PIGV: variants seen among roughly 807,000 people sequenced by gnomAD.
PIGV encodes phosphatidylinositol glycan anchor biosynthesis class V.
Under a neutral mutation model 39.2 loss-of-function variants are expected in PIGV, and 27 were observed. The ratio of observed to expected loss-of-function variants is 0.69; its 90% CI spans 0.51 to 0.95. The LOEUF (loss-of-function observed/expected upper bound fraction) is 0.95. Ranked by LOEUF, PIGV falls within the 40% of genes least tolerant of loss-of-function variation. The pLI, the probability that PIGV is intolerant of heterozygous loss-of-function variation, is 0.00. For synonymous variants in PIGV, 232 were observed against 241.7 expected (o/e 0.96, Z 0.37); for missense variants, 523 against 586.4 (o/e 0.89, Z 1.12).
rs1172316760 is a variant in PIGV at position 26,795,007 on chromosome 1, GT to G, written c.974del (p.Val325GlyfsTer22). 19 of 1,614,180 alleles carry G rather than the reference GT, an allele frequency of 1.2e-5. No homozygotes were observed. Among genetic ancestry groups the G allele is most frequent in the Non-Finnish European group, 1.6e-5 (19 of 1,180,030 alleles). On this transcript the variant is annotated frameshift_variant, in exon 3 of 4. Coordinates refer to ENST00000674202, the MANE Select transcript of PIGV (RefSeq NM_017837.4). LOFTEE classifies it high-confidence loss of function. ...TTTGAAATACTATGAGCTCAAGCAG[GT>G]GCCCAATTTTCTACTGGCTGCACCA... ...GFLKYYELKQ[V>X]PNFLLAAPVA... is the part of the protein sequence containing the mutation.
At chr1:26,797,475 C>T (rs2081398947) in intron 3 of PIGV, 88 bp from the exon 4 acceptor site, 1 of 1,010,556 alleles carries the variant, frequency 9.9e-7, no homozygotes, top group Non-Finnish European at 1.6e-6. Flanking sequence ...CATAGTTCAC[C>T]CAGCAGTAGA....
intron 3 of PIGV, 152 bp downstream of exon 3, chr1:26,795,386 C>A: frequency 9.6e-7 from 1 of 1,036,906 alleles, no homozygotes; most frequent in Non-Finnish European, 1.4e-6. Context: ...ATGCCAGACT[C>A]TGGGTCAGAC....
Position 26,798,200 on chromosome 1 carries a change from T to C in PIGV, c.*356T>C. 1 of 340,018 alleles carries C rather than the reference T, an allele frequency of 2.9e-6. No individual in the cohort carries two copies. Among genetic ancestry groups the C allele is most frequent in the Non-Finnish European group, 5.7e-6 (1 of 176,926 alleles). 21.1% of individuals were successfully genotyped at this position (340,018 alleles called of 1,614,324 possible). ...TCAATTTATTGAAGTGTAAATTTCATCAAAGGCATTAGCTGACAGGCTGGT... is the reference window on the plus strand; with the variant it reads ...TCAATTTATTGAAGTGTAAATTTCACCAAAGGCATTAGCTGACAGGCTGGT... On this transcript the variant is annotated 3_prime_UTR_variant, in exon 4 of 4. Coordinates refer to ENST00000674202, the MANE Select transcript of PIGV (RefSeq NM_017837.4).
intron 2 of PIGV, among the ~76,000 whole-genome samples, chr1:26,793,584 AG>A (rs1270717583): frequency 3.9e-5 from 6 of 152,044 alleles, no homozygotes; most frequent in Admixed American, 3.9e-4. Flanking sequence ...TAACATGTCC[AG>A]GGTTCAGTCC....
At chr1:26,788,803 G>A (rs1400636708) in intron 1 of PIGV, 1 of 152,202 alleles carries the variant, frequency 6.6e-6, no homozygotes, top group Non-Finnish European at 1.5e-5. Flanking sequence ...TTTTTGAAGA[G>A]TGAAACTAGT....
rs146467198 is a variant in PIGV, at chr1:26,797,829, C to G, written c.1467C>G (p.Phe489Leu). ...WLLGLLLHCN[F>L]LPWT is the part of the protein sequence containing the mutation. ...TGGGACTACTCCTACATTGCAACTT[C>G]CTGCCTTGGACATGACCTGGACTCT... Residue 489 changes from phenylalanine to leucine, a missense_variant, in exon 4 of 4, where the codon TTC (phenylalanine) becomes TTG (leucine). Coordinates refer to ENST00000674202, the MANE Select transcript of PIGV (RefSeq NM_017837.4). 9.2e-5 allele frequency: 149 copies of G among 1,614,054 alleles called. No homozygotes were observed. Among genetic ancestry groups the G allele is most frequent in the Non-Finnish European group, 1.2e-4 (137 of 1,180,050 alleles).
chr1:26,791,627 A>G (rs889922038), intron 2 of PIGV, among the ~76,000 whole-genome samples: 67 of 152,152 alleles, frequency 4.4e-4, no homozygotes, highest in African/African-American at 1.5e-3. Flanking sequence ...TCCCTGTACC[A>G]TTCTCTCTGA....
Position 26,790,753 on chromosome 1 carries a change from G to A in PIGV, c.-57-6G>A, listed in dbSNP as rs931609061. Reference sequence around the variant, plus strand: ...ATGTGTGACATTTTCCTCCTTTGGGGTTTAGAGGCCTGAGGGAGCTCAATC... The same window carrying A: ...ATGTGTGACATTTTCCTCCTTTGGGATTTAGAGGCCTGAGGGAGCTCAATC... On this transcript the variant is annotated splice_polypyrimidine_tract_variant and splice_region_variant and intron_variant, in intron 1 of 3. Coordinates refer to ENST00000674202, the MANE Select transcript of PIGV (RefSeq NM_017837.4). 97 of 1,347,788 alleles carry A rather than the reference G, an allele frequency of 7.2e-5. 1 individual carries two copies. Among genetic ancestry groups the A allele is most frequent in the Non-Finnish European group, 1.9e-5 (18 of 937,334 alleles). 83.5% of individuals were successfully genotyped at this position (1,347,788 alleles called of 1,614,324 possible).
rs1271136377 is a variant in PIGV at position 26,800,011 on chromosome 1, C to T, written c.*2167C>T. On this transcript the variant is annotated 3_prime_UTR_variant, in exon 4 of 4. Coordinates refer to ENST00000674202, the MANE Select transcript of PIGV (RefSeq NM_017837.4). ...GGGGGATAATCAGGACTGATTATTC[C>T]TCTACTGGAAGAGGTGACTCAGACC... Among the ~76,000 whole-genome samples, 2 of 152,080 alleles carry T rather than the reference C, an allele frequency of 1.3e-5. No individual in the cohort carries two copies. Among genetic ancestry groups the T allele is most frequent in the Non-Finnish European group, 2.9e-5 (2 of 68,024 alleles).
chr1:26,796,516 T>C (rs945226976), intron 3 of PIGV, among the ~76,000 whole-genome samples: 1 of 151,984 alleles, frequency 6.6e-6, no homozygotes, highest in African/African-American at 2.4e-5. Flanking sequence ...GGCGAAGAAG[T>C]AGGTAACTCA....
At chr1:26,795,397 C>G (rs559947052) in intron 3 of PIGV, among the ~76,000 whole-genome samples, 163 bp downstream of exon 3, 5 of 152,180 alleles carry the variant, frequency 3.3e-5, no homozygotes, top group African/African-American at 1.2e-4. Flanking sequence ...TGGGTCAGAC[C>G]TCTAAGGATG....
chr1:26,799,424 G>A lies in PIGV; in HGVS notation c.*1580G>A, dbSNP rs529867325. 2.0e-5 allele frequency among the ~76,000 whole-genome samples: 3 copies of A among 152,304 alleles called. No individual in the cohort carries two copies. Among genetic ancestry groups the A allele is most frequent in the South Asian group, 2.1e-4 (1 of 4,828 alleles). ...CTTTTGCCCATTCCTTGAGCCAGAC[G>A]AGAGTTTGGCTCTGTATCATCCATC... is the stretch of plus-strand genomic sequence containing the variant. On this transcript the variant is annotated 3_prime_UTR_variant, in exon 4 of 4. Coordinates refer to ENST00000674202, the MANE Select transcript of PIGV (RefSeq NM_017837.4).
intron 2 of PIGV, among the ~76,000 whole-genome samples, chr1:26,791,433 T>A (rs2081308582): frequency 6.6e-6 from 1 of 152,134 alleles, no homozygotes; most frequent in African/African-American, 2.4e-5. Context: ...CGTTTGCAGC[T>A]CCCTTTTCCC....
At chr1:26,793,956 G>A (rs1232027016) in intron 2 of PIGV, among the ~76,000 whole-genome samples, 157 bp from the exon 3 acceptor site, 2 of 151,896 alleles carry the variant, frequency 1.3e-5, no homozygotes. Context: ...TGTTGCCCAG[G>A]CTGGTCATGG....
Position 26,797,677 on chromosome 1 carries a change from C to T in PIGV, c.1315C>T (p.Leu439Phe). 1 of 1,614,176 alleles carries T rather than the reference C, an allele frequency of 6.2e-7. No individual in the cohort carries two copies. Among genetic ancestry groups the T allele is most frequent in the Non-Finnish European group, 8.5e-7 (1 of 1,180,012 alleles). The change falls in exon 4 of 4, where the codon CTT becomes TTT. Residue 439 changes from leucine to phenylalanine, a missense_variant. Physicochemically the swap from Leu to Phe is conservative, Grantham distance 22. Transcript: ENST00000674202. ...CTTAAAGACTGTGCCTTGGAAGCCT[C>T]TTGCAGAGGACTCCCCACCAGGACA... ...RSLKTVPWKP[L>F]AEDSPPGQKV...
Position 26,797,746 on chromosome 1 carries a change from A to G in PIGV, c.1384A>G (p.Lys462Glu). ...TATCATGGGACTTTTGTATCACTGG[A>G]AAACCTGTTCTCCAGTCACACGATA... Reference protein sequence around the residue: ...NPIMGLLYHWKTCSPVTRYIL... With the variant: ...NPIMGLLYHWETCSPVTRYIL... Residue 462 changes from lysine (K) to glutamate (E), a missense_variant, in exon 4 of 4, where the codon AAA (lysine) becomes GAA (glutamate). Lys to Glu is a moderately conservative substitution (Grantham distance 56, BLOSUM62 1). Coordinates refer to ENST00000674202, the MANE Select transcript of PIGV (RefSeq NM_017837.4). 6.2e-7 allele frequency: 1 copy of G among 1,614,096 alleles called. No individual in the cohort carries two copies. Among genetic ancestry groups the G allele is most frequent in the Admixed American group, 1.7e-5 (1 of 60,014 alleles).
At chr1:26,793,479 G>C (rs1053487513) in intron 2 of PIGV, among the ~76,000 whole-genome samples, 1 of 152,088 alleles carries the variant, frequency 6.6e-6, no homozygotes, top group Admixed American at 6.5e-5. Context: ...TTCTTCCCTT[G>C]GTTCTAATGC....
chr1:26,795,486 G>A (rs1411470012), intron 3 of PIGV, among the ~76,000 whole-genome samples: 1 of 152,102 alleles, frequency 6.6e-6, no homozygotes, highest in Non-Finnish European at 1.5e-5. Context: ...GCTGAGGTGG[G>A]TGGATCACAA....
At chr1:26,789,182 C>T (rs544690409) in intron 1 of PIGV, among the ~76,000 whole-genome samples, 1 of 152,162 alleles carries the variant, frequency 6.6e-6, no homozygotes, top group African/African-American at 2.4e-5. Context: ...CTCGATTCAG[C>T]GAGTCATACG....
Sources: gnomAD v4.1 joint callset for allele counts (sites outside exome capture counted in the v4.1 genomes callset) on GRCh38, gnomAD v4.1.1 for gene constraint, MANE v1.5 for transcripts, NCBI Gene and HGNC (gene_info 2026-07-23, HGNC 2026-07-21) for gene names.